Variants in CELF2 observed in about 807,000 individuals in gnomAD.
CELF2 encodes the protein CUG triplet repeat RNA-binding protein 2.
In CELF2, 8 loss-of-function variants were observed where a neutral mutation model predicts 62.6. That is an observed-to-expected ratio of 0.13 (90% CI 0.07 to 0.23). CELF2 has a LOEUF of 0.23. Among genes scored for constraint, CELF2 ranks in the 10% least tolerant of loss-of-function variants. The pLI, the probability that CELF2 is intolerant of heterozygous loss-of-function variation, is 1.00. For missense variants in CELF2, 333 were observed against 671.0 expected (o/e 0.50, Z 5.56); for synonymous variants, 258 against 250.0 (o/e 1.03, Z -0.30).
chr10:11,017,011 A>G (rs1385883095), upstream of CELF2, among the ~76,000 whole-genome samples: 1 of 152,246 alleles, frequency 6.6e-6, no homozygotes, highest in Non-Finnish European at 1.5e-5. This position sits in a 1 kb window ranked among gnomAD's most constrained non-coding sequence, Gnocchi z 5.5. Flanking sequence ...TGCCACCCAC[A>G]TAATCAACAG....
intron 2 of CELF2, among the ~76,000 whole-genome samples, chr10:10,955,916 C>T (rs2048836625): frequency 6.6e-6 from 1 of 152,132 alleles, no homozygotes; most frequent in African/African-American, 2.4e-5. Context: ...CATCCCATGC[C>T]CGACCACAAT....
chr10:10,517,350 C>A, the CELF2 span, among the ~76,000 whole-genome samples: 1 of 152,116 alleles, frequency 6.6e-6, no homozygotes, highest in Admixed American at 6.5e-5. Context: ...TTTTAATCAG[C>A]TTCCTCATGT....
chr10:11,321,253 T>C lies in CELF2; in HGVS notation c.1161T>C (p.Asn387=), dbSNP rs1414606213. 3.1e-6 allele frequency: 5 copies of C among 1,614,058 alleles called. No individual in the cohort carries two copies. The highest frequency in any genetic ancestry group is 4.2e-6 in the Non-Finnish European group (5 of 1,180,022). ...GACTTGGCGCCACAGGCTTGACGAA[T>C]GGCACGGCTGGCACCATGGACGCCC... The part of the protein sequence containing the change: ...NGGLGATGLT[N]GTAGTMDALT... Residue 387 remains asparagine (N), a synonymous_variant, in exon 11 of 13, where the codon AAT becomes AAC. Transcript: ENST00000633077. The surrounding 1 kb of genome is among the most constrained non-coding windows in gnomAD (Gnocchi z 6.2).
the CELF2 span, among the ~76,000 whole-genome samples, chr10:10,652,791 A>G: frequency 6.6e-6 from 1 of 152,150 alleles, no homozygotes; most frequent in East Asian, 1.9e-4. Flanking sequence ...AAGACCATCG[A>G]GACTAGGAAG....
At chr10:11,015,909 A>T (rs2057192901), upstream of CELF2, among the ~76,000 whole-genome samples, 1 of 151,750 alleles carries the variant, frequency 6.6e-6, no homozygotes, top group Non-Finnish European at 1.5e-5. This position sits in a 1 kb window ranked among gnomAD's most constrained non-coding sequence, Gnocchi z 4.8. Context: ...TTAATGAAAC[A>T]TGTTCTACCT....
At chr10:11,043,513 C>A (rs1186047770) in intron 1 of CELF2, among the ~76,000 whole-genome samples, 1 of 152,158 alleles carries the variant, frequency 6.6e-6, no homozygotes, top group Non-Finnish European at 1.5e-5. Flanking sequence ...CCGCTCCTGG[C>A]TGGACTCTTT....
chr10:11,037,140 C>T (rs1593682894), intron 1 of CELF2, among the ~76,000 whole-genome samples: 1 of 152,200 alleles, frequency 6.6e-6, no homozygotes, highest in African/African-American at 2.4e-5. Context: ...CTCACAGTTC[C>T]ACATGGCTGG....
chr10:10,919,661 A>G (rs747739876), intron 1 of CELF2, among the ~76,000 whole-genome samples: 3 of 152,162 alleles, frequency 2.0e-5, no homozygotes, highest in Admixed American at 6.6e-5. Context: ...TTCTCTTTCT[A>G]TTATCCTTCT....
chr10:10,472,769 T>C, the CELF2 span, among the ~76,000 whole-genome samples: 11 of 152,032 alleles, frequency 7.2e-5, no homozygotes, highest in Admixed American at 2.6e-4. Context: ...TTCTCGTTGG[T>C]GTGCAGCTAC....
At chr10:11,124,670 G>A (rs536294385) in intron 1 of CELF2, among the ~76,000 whole-genome samples, 52 of 152,260 alleles carry the variant, frequency 3.4e-4, no homozygotes, top group African/African-American at 1.2e-3. Flanking sequence ...CCTACCATGT[G>A]CCAGGCACTG....
intron 2 of CELF2, among the ~76,000 whole-genome samples, chr10:10,924,440 A>G (rs1389687597): frequency 1.3e-5 from 2 of 152,176 alleles, no homozygotes; most frequent in East Asian, 1.9e-4. Context: ...TAAACTAAAC[A>G]GTTTAGAAAA....
the CELF2 span, among the ~76,000 whole-genome samples, chr10:10,487,474 A>T: frequency 1.3e-5 from 2 of 152,162 alleles, no homozygotes; most frequent in Non-Finnish European, 2.9e-5. Context: ...TAAATCAAAC[A>T]CACTACAGTA....
chr10:10,494,595 C>T, the CELF2 span, among the ~76,000 whole-genome samples: 1 of 152,150 alleles, frequency 6.6e-6, no homozygotes, highest in Non-Finnish European at 1.5e-5. Flanking sequence ...ACATTTTCTT[C>T]CTCAGATCAT....
intron 2 of CELF2, among the ~76,000 whole-genome samples, chr10:11,194,071 T>TTA (rs2056757556): frequency 1.3e-5 from 2 of 152,098 alleles, no homozygotes; most frequent in African/African-American, 2.4e-5. Flanking sequence ...ATTTTTTATT[T>TTA]TATATATATT....
At chr10:10,770,417 G>A in the CELF2 span, among the ~76,000 whole-genome samples, 1 of 151,990 alleles carries the variant, frequency 6.6e-6, no homozygotes, top group African/African-American at 2.4e-5. Flanking sequence ...GGTCTGCTGG[G>A]GTGGAGGCAC....
At chr10:11,037,315 A>G (rs1283382505) in intron 1 of CELF2, among the ~76,000 whole-genome samples, 2 of 152,190 alleles carry the variant, frequency 1.3e-5, no homozygotes, top group East Asian at 3.8e-4. Context: ...CCCTTGATTC[A>G]GTTACCTCCT....
the CELF2 span, among the ~76,000 whole-genome samples, chr10:10,480,953 C>G: frequency 6.6e-6 from 1 of 152,092 alleles, no homozygotes; most frequent in Admixed American, 6.5e-5. Context: ...ATTCCAGCTA[C>G]TCGGGAGGCT....
intron 2 of CELF2, among the ~76,000 whole-genome samples, chr10:10,985,812 G>T (rs979263618): frequency 4.6e-5 from 7 of 152,274 alleles, no homozygotes; most frequent in Admixed American, 1.3e-4. Context: ...ACAAAGCTGG[G>T]TCTGCACGTG....
chr10:10,859,068 C>A (rs2133067289), intron 1 of CELF2, among the ~76,000 whole-genome samples: 1 of 152,270 alleles, frequency 6.6e-6, no homozygotes, highest in Non-Finnish European at 1.5e-5. Flanking sequence ...TTAGTAGCTA[C>A]TGTAAGAACT....
Sources: allele counts gnomAD v4.1 joint callset (sites outside exome capture counted in the v4.1 genomes callset), GRCh38; gene constraint gnomAD v4.1.1; non-coding constraint Gnocchi (gnomAD v3.1); transcripts MANE v1.5; gene names NCBI Gene and HGNC (gene_info 2026-07-23, HGNC 2026-07-21).